Variants in PASK observed in about 807,000 individuals in gnomAD.
PASK encodes PAS domain containing serine/threonine kinase.
PASK carries 110 observed loss-of-function variants against 121.0 expected under a neutral mutation model. The ratio of observed to expected loss-of-function variants is 0.91; its 90% CI spans 0.78 to 1.06. The LOEUF is 1.06. PASK is among the 50% of genes least tolerant of loss of function. PASK has a pLI of 0.00. For missense variants in PASK, 1,643 were observed against 1,702.3 expected, an observed-to-expected ratio of 0.97 and a Z score of 0.61; for synonymous variants, 686 against 717.8, an observed-to-expected ratio of 0.96 and a Z score of 0.71.
intron 3 of PASK, 66 bp from the exon 4 acceptor site, chr2:241,140,121 A>C: frequency 7.7e-7 from 1 of 1,301,636 alleles, no homozygotes; most frequent in South Asian, 1.2e-5. Flanking sequence ...TGCCCAGAAC[A>C]GCCCAGGACG....
rs773620003 is a variant in PASK, at chr2:241,137,934, G to C, written c.876+19C>G. On this transcript the variant is annotated intron_variant, in intron 6 of 17. Transcript: ENST00000234040. ...AGAACTCCACCCCATCACACAGTGC[G>C]GGAGGTCAGGAGCCCTACCTTTGGG... The C allele has an allele frequency of 3.1e-6, 5 of 1,613,584 alleles. No homozygotes were observed. Among genetic ancestry groups the C allele is most frequent in the Non-Finnish European group, 4.2e-6 (5 of 1,179,470 alleles).
chr2:241,149,129 C>T (rs2067140623), intron 1 of PASK, among the ~76,000 whole-genome samples: 1 of 151,384 alleles, frequency 6.6e-6, no homozygotes, highest in Non-Finnish European at 1.5e-5. Context: ...CGCGGGGCCT[C>T]GGCGCCCACC....
intron 8 of PASK, 105 bp from the exon 9 acceptor site, chr2:241,133,135 G>T (rs2066246077): frequency 8.5e-7 from 1 of 1,171,746 alleles, no homozygotes; most frequent in Non-Finnish European, 1.3e-6. Flanking sequence ...AGCATGACCA[G>T]CATCGACCAC....
At chr2:241,149,582 C>T (rs1388168300), upstream of PASK, 16 of 1,443,468 alleles carry the variant, frequency 1.1e-5, no homozygotes, top group East Asian at 2.5e-5. Flanking sequence ...TCTAGAAGCC[C>T]GCGCTAAGGG....
chr2:241,143,102 A>C, intron 1 of PASK, 28 bp from the exon 2 acceptor site: 1 of 1,128,714 alleles, frequency 8.9e-7, no homozygotes, highest in Non-Finnish European at 1.3e-6. Flanking sequence ...GCTGATTAAC[A>C]TCTGCAATGC....
intron 12 of PASK, among the ~76,000 whole-genome samples, chr2:241,118,393 T>C (rs1575252245): frequency 6.6e-6 from 1 of 152,282 alleles, no homozygotes; most frequent in South Asian, 2.1e-4. Flanking sequence ...CATGCATCTA[T>C]GGTCAACTGA....
chr2:241,127,194 T>C lies in PASK; in HGVS notation c.1721A>G (p.Glu574Gly). 1 of 1,614,190 alleles carries C rather than the reference T, an allele frequency of 6.2e-7. No homozygotes were observed. The highest frequency in any genetic ancestry group is 8.5e-7 in the Non-Finnish European group (1 of 1,180,038). Residue 574 changes from glutamate to glycine, a missense_variant, in exon 10 of 18, where the codon GAG becomes GGG. Physicochemically the swap from Glu to Gly is moderately conservative, Grantham distance 98. This residue lies in a region of PASK where 1,176 missense variants were observed against 1,162.2 expected (regional missense o/e 1.01). Coordinates refer to ENST00000234040, the MANE Select transcript of PASK (RefSeq NM_015148.4). The stretch of plus-strand genomic sequence containing the variant: ...GCTGGGACCACTGACTCCCATCCGC[T>C]CTAGCTGGGCCTTCTGACACAGGCC... ...MCGLCQKAQL[E>G]RMGVSGPSGS... is the part of the protein sequence containing the mutation.
At position 241,106,333 on chromosome 2, in the gene PASK, G is replaced by GA; in HGVS notation, c.*232dup. 1 of 580,346 alleles carries GA rather than the reference G, an allele frequency of 1.7e-6. No individual in the cohort carries two copies. 35.9% of individuals were successfully genotyped at this position (580,346 alleles called of 1,614,324 possible). A position where few individuals can be genotyped will look rare whatever the true frequency, so the allele number is the denominator to read the frequency against. ...AGCCCTTTAATAATATAAAACAGTT[G>GA]AACACTGGAATGTTTTTTTCTAGGT... On this transcript the variant is annotated 3_prime_UTR_variant, in exon 18 of 18. Transcript: ENST00000234040.
At chr2:241,107,568 G>A in intron 16 of PASK, 69 bp from the exon 17 acceptor site, 1 of 1,476,838 alleles carries the variant, frequency 6.8e-7, no homozygotes, top group Non-Finnish European at 9.4e-7. Flanking sequence ...CAGATTCCTG[G>A]GTGCTCACCA....
chr2:241,149,733 T>G, upstream of PASK: 1 of 1,546,430 alleles, frequency 6.5e-7, no homozygotes, highest in East Asian at 2.4e-5. Flanking sequence ...GCTCGCCTCT[T>G]GGAGGCCTCT....
chr2:241,106,497 A>C lies in PASK; in HGVS notation c.*69T>G, dbSNP rs1047954433. The C allele has an allele frequency of 6.5e-6, 10 of 1,539,818 alleles. No homozygotes were observed. The African/African-American group carries it at 9.5e-5, about 15-fold the overall frequency. On this transcript the variant is annotated 3_prime_UTR_variant, in exon 18 of 18. Transcript: ENST00000234040. ...GGATGCTTCAGAATGTATTTTCTCC[A>C]AACAGATGGAGCCTGAAAACTGTGT...
At chr2:241,129,325 A>T (rs1004782878) in intron 9 of PASK, among the ~76,000 whole-genome samples, 4 of 152,078 alleles carry the variant, frequency 2.6e-5, no homozygotes, top group African/African-American at 9.7e-5. Context: ...CGTTCTCTCC[A>T]CAGTCACCTG....
At chr2:241,136,278 A>G (rs1186431686) in intron 7 of PASK, among the ~76,000 whole-genome samples, 1 of 152,246 alleles carries the variant, frequency 6.6e-6, no homozygotes, top group East Asian at 1.9e-4. Context: ...GGCAAGTTAC[A>G]GTGACATCGA....
chr2:241,149,969 C>T, upstream of PASK: 1 of 1,420,934 alleles, frequency 7.0e-7, no homozygotes, highest in Non-Finnish European at 9.2e-7. Context: ...GGGTAAAATC[C>T]GCGCGGGGAC....
At chr2:241,131,187 C>G (rs530047402) in intron 9 of PASK, among the ~76,000 whole-genome samples, 1 of 149,608 alleles carries the variant, frequency 6.7e-6, no homozygotes, top group Non-Finnish European at 1.5e-5. Context: ...CTCACTCTGT[C>G]GCCCAGGCTG....
At chr2:241,118,046 C>G (rs1335560339) in intron 12 of PASK, among the ~76,000 whole-genome samples, 2 of 152,178 alleles carry the variant, frequency 1.3e-5, no homozygotes, top group African/African-American at 4.8e-5. Flanking sequence ...GTTCACAGAT[C>G]AGGAGACTAA....
rs1246015232 is a variant in PASK, at chr2:241,116,016, ATCCCATTACGCCAGGGC to A, written c.3073-620_3073-604del. On this transcript the variant is annotated intron_variant, in intron 12 of 17. Transcript: ENST00000234040. ...CAGGGGCCACCATCGGTCCTCAAGC[ATCCCATTACGCCAGGGC>A]CACCCAGTCCTCAAGCATCCCATTA... is the stretch of plus-strand genomic sequence containing the variant. 7.1e-4 allele frequency among the ~76,000 whole-genome samples: 89 copies of A among 124,642 alleles called. 5 individuals carry two copies. Among genetic ancestry groups the A allele is most frequent in the Middle Eastern group, 4.6e-3 (1 of 218 alleles). 81.8% of individuals were successfully genotyped at this position (124,642 alleles called of 152,430 possible).
At chr2:241,136,933 G>A (rs1238520335) in intron 7 of PASK, 71 bp downstream of exon 7, 19 of 1,447,608 alleles carry the variant, frequency 1.3e-5, no homozygotes, top group Middle Eastern at 2.1e-4. Flanking sequence ...TGTGCCACAC[G>A]CAAGCCCGCA....
intron 11 of PASK, among the ~76,000 whole-genome samples, chr2:241,123,714 A>C (rs2065726992): frequency 6.6e-6 from 1 of 151,458 alleles, no homozygotes; most frequent in African/African-American, 2.4e-5. Context: ...ACTACTCGGG[A>C]GGCTGAGGCG....
Sources: allele counts gnomAD v4.1 joint callset (sites outside exome capture counted in the v4.1 genomes callset), GRCh38; gene constraint gnomAD v4.1.1; regional missense constraint gnomAD v4.1.1; transcripts MANE v1.5; gene names NCBI Gene and HGNC (gene_info 2026-07-23, HGNC 2026-07-21).